The following OCA2 variants were observed in gnomAD, a reference collection of about 807,000 sequenced individuals.
The protein encoded by OCA2 is P protein.
In OCA2, 77 loss-of-function variants were observed where a neutral mutation model predicts 100.2. That is an observed-to-expected ratio of 0.77 (90% CI 0.64 to 0.93). OCA2 has a LOEUF of 0.93. Among genes scored for constraint, OCA2 ranks in the 40% least tolerant of loss-of-function variants. The probability of loss-of-function intolerance (pLI) is 0.00; values close to 1 mark genes in which losing one functional copy is unlikely to be tolerated. For missense variants in OCA2, 1,062 were observed against 1,089.1 expected, an observed-to-expected ratio of 0.98 and a Z score of 0.35; for synonymous variants, 432 against 439.2, an observed-to-expected ratio of 0.98 and a Z score of 0.21.
intron 2 of OCA2, among the ~76,000 whole-genome samples, chr15:28,051,045 A>G (rs1050118258): frequency 6.6e-6 from 1 of 152,018 alleles, no homozygotes; most frequent in Non-Finnish European, 1.5e-5. Flanking sequence ...CCTGCCTCCC[A>G]CCCATATGAG....
intron 18 of OCA2, among the ~76,000 whole-genome samples, chr15:27,941,512 C>A (rs8034072): frequency 1.3e-5 from 2 of 152,000 alleles, no homozygotes; most frequent in Non-Finnish European, 2.9e-5. Flanking sequence ...CCCCCAAATT[C>A]ATTAACCTGT....
At chr15:27,976,855 A>G (rs1265028892) in intron 14 of OCA2, among the ~76,000 whole-genome samples, 1 of 152,172 alleles carries the variant, frequency 6.6e-6, no homozygotes, top group Non-Finnish European at 1.5e-5. Context: ...AGAATTCACC[A>G]AAGAAGCTAT....
chr15:27,812,902 C>T (rs1232981935), intron 23 of OCA2, among the ~76,000 whole-genome samples: 1 of 152,144 alleles, frequency 6.6e-6, no homozygotes, highest in East Asian at 1.9e-4. Flanking sequence ...GCCTAAGATG[C>T]CCCTCCTCCA....
chr15:27,824,602 C>CTCTCTCTA lies in OCA2; in HGVS notation c.2432+20356_2432+20357insTAGAGAGA. 9.2e-4 allele frequency among the ~76,000 whole-genome samples: 44 copies of CTCTCTCTA among 47,600 alleles called. 2 individuals are homozygous for CTCTCTCTA. The highest frequency in any genetic ancestry group is 6.3e-3 in the African/African-American group (40 of 6,326). The allele number at this position is 47,600 out of a possible 152,430, so 31.2% of individuals were successfully genotyped here. ...TTTCTCTCTCTCTCTCTCTCTCTCT[C>CTCTCTCTA]TATATATATATATATATATAATATA... On this transcript the variant is annotated intron_variant, in intron 23 of 23. Coordinates refer to ENST00000354638, the MANE Select transcript of OCA2 (RefSeq NM_000275.3).
At chr15:27,922,974 C>T (rs996799516) in intron 19 of OCA2, among the ~76,000 whole-genome samples, 4 of 152,142 alleles carry the variant, frequency 2.6e-5, no homozygotes, top group Non-Finnish European at 4.4e-5. Context: ...CACCTTTCAT[C>T]CTCCAGTAGG....
intron 23 of OCA2, among the ~76,000 whole-genome samples, chr15:27,811,491 T>C (rs760606444): frequency 6.6e-6 from 1 of 152,114 alleles, no homozygotes; most frequent in Admixed American, 6.5e-5. Context: ...CCAAAATCAC[T>C]TGTACTCCCA....
chr15:27,955,539 A>G (rs1289741802), intron 16 of OCA2, among the ~76,000 whole-genome samples: 1 of 152,106 alleles, frequency 6.6e-6, no homozygotes, highest in Non-Finnish European at 1.5e-5. Flanking sequence ...CAGTCTCTTT[A>G]TTTTCCTCTT....
At chr15:28,065,878 G>T (rs2044008231) in intron 2 of OCA2, among the ~76,000 whole-genome samples, 1 of 151,918 alleles carries the variant, frequency 6.6e-6, no homozygotes, top group African/African-American at 2.4e-5. Flanking sequence ...TCTTCTTAAT[G>T]ATTTTGTGAA....
At chr15:27,724,675 G>A in the OCA2 span, among the ~76,000 whole-genome samples, 46 of 152,186 alleles carry the variant, frequency 3.0e-4, no homozygotes, top group Admixed American at 1.2e-3. Flanking sequence ...ATCAGAGTCC[G>A]GAACCCTGAC....
At chr15:27,801,325 G>A (rs1422825447) in intron 23 of OCA2, among the ~76,000 whole-genome samples, 2 of 152,072 alleles carry the variant, frequency 1.3e-5, no homozygotes, top group African/African-American at 4.8e-5. Context: ...AGGCCAAGGT[G>A]GGCAGATCAC....
intron 2 of OCA2, among the ~76,000 whole-genome samples, chr15:28,049,070 T>G (rs959106003): frequency 1.3e-5 from 2 of 152,160 alleles, no homozygotes; most frequent in Admixed American, 1.3e-4. Context: ...AGAAATTGCT[T>G]GCAAATCATA....
chr15:27,906,527 GGA>G (rs1342989674), intron 19 of OCA2, among the ~76,000 whole-genome samples: 1 of 152,030 alleles, frequency 6.6e-6, no homozygotes, highest in African/African-American at 2.4e-5. Flanking sequence ...TTTGTTTATT[GGA>G]GTCCTTAAGG....
intron 4 of OCA2, 33 bp downstream of exon 4, chr15:28,027,838 T>A (rs1271876997): frequency 5.0e-6 from 8 of 1,609,162 alleles, no homozygotes; most frequent in Non-Finnish European, 5.9e-6. Context: ...CGGCCACCGC[T>A]GCTGCCAGGG....
chr15:27,808,179 G>A (rs1273373920), intron 23 of OCA2, among the ~76,000 whole-genome samples: 3 of 152,212 alleles, frequency 2.0e-5, no homozygotes, highest in South Asian at 2.1e-4. Flanking sequence ...AGGGAGAAAC[G>A]TTTCCTTCTG....
At chr15:27,795,409 T>C (rs945666668) in intron 23 of OCA2, among the ~76,000 whole-genome samples, 2 of 151,792 alleles carry the variant, frequency 1.3e-5, no homozygotes, top group South Asian at 2.1e-4. Context: ...TCACAATAAA[T>C]GGCACCGCTG....
intron 19 of OCA2, among the ~76,000 whole-genome samples, chr15:27,891,895 C>A (rs957199185): frequency 2.0e-5 from 3 of 151,196 alleles, no homozygotes; most frequent in South Asian, 2.1e-4. Flanking sequence ...ATGTTACACA[C>A]AAAAAAAATC....
intron 23 of OCA2, among the ~76,000 whole-genome samples, chr15:27,835,087 G>A (rs559558842): frequency 1.6e-4 from 25 of 152,306 alleles, no homozygotes; most frequent in African/African-American, 5.3e-4. Context: ...CAGTTAACAT[G>A]AGTCCTTGAG....
At chr15:28,093,804 A>C (rs1165392613) in intron 1 of OCA2, among the ~76,000 whole-genome samples, 2 of 152,190 alleles carry the variant, frequency 1.3e-5, no homozygotes, top group Non-Finnish European at 2.9e-5. Flanking sequence ...AGAGGAATCC[A>C]GAGTGAAAAT....
At chr15:27,935,759 T>C (rs1475481785) in intron 18 of OCA2, among the ~76,000 whole-genome samples, 1 of 152,260 alleles carries the variant, frequency 6.6e-6, no homozygotes, top group Non-Finnish European at 1.5e-5. Context: ...CACAGTGTGA[T>C]TGGATGAATA....
Sources: allele counts gnomAD v4.1 joint callset (sites outside exome capture counted in the v4.1 genomes callset), GRCh38; gene constraint gnomAD v4.1.1; transcripts MANE v1.5; gene names NCBI Gene and HGNC (gene_info 2026-07-23, HGNC 2026-07-21).